Variants in MRTFB observed in about 807,000 individuals in gnomAD.
MRTFB encodes myocardin-related transcription factor B.
Under a neutral mutation model 104.2 loss-of-function variants are expected in MRTFB, and 29 were observed. The observed-to-expected ratio is 0.28, with a 90% CI of 0.21 to 0.38. The LOEUF (loss-of-function observed/expected upper bound fraction) is 0.38. Among genes scored for constraint, MRTFB ranks in the 10% least tolerant of loss-of-function variants. The pLI is 1.00. For synonymous variants in MRTFB, 535 were observed against 519.5 expected (o/e 1.03, Z -0.41); for missense variants, 1,270 against 1,341.6 (o/e 0.95, Z 0.83).
Position 14,212,244 on chromosome 16 carries a change from G to C in MRTFB, c.221-110G>C, listed in dbSNP as rs548181793. On this transcript the variant is annotated intron_variant, in intron 4 of 16. Transcript: ENST00000571589. ...TCCTAATGGAACTGGTAAATTAATG[G>C]AACTGTAGTTGTGATCTGTTAATAA... 25 of 1,006,170 alleles carry C rather than the reference G, an allele frequency of 2.5e-5. No individual in the cohort carries two copies. In the South Asian group the frequency reaches 4.7e-4, roughly 19 times the overall value. The allele number at this position is 1,006,170 out of a possible 1,614,324, so 62.3% of individuals were successfully genotyped here.
At chr16:14,124,023 A>G (rs1446027415) in intron 2 of MRTFB, among the ~76,000 whole-genome samples, 1 of 152,040 alleles carries the variant, frequency 6.6e-6, no homozygotes, top group Non-Finnish European at 1.5e-5. Context: ...TTATTCTTTC[A>G]GTAGCAATTG....
chr16:14,129,854 A>C (rs924764756), intron 2 of MRTFB, among the ~76,000 whole-genome samples: 7 of 151,876 alleles, frequency 4.6e-5, no homozygotes, highest in Non-Finnish European at 1.0e-4. Context: ...TTTGAGATGG[A>C]GTTTCGCTCT....
chr16:14,222,665 T>C (rs1306873297), intron 8 of MRTFB, among the ~76,000 whole-genome samples: 1 of 151,224 alleles, frequency 6.6e-6, no homozygotes, highest in East Asian at 1.9e-4. Flanking sequence ...AGTGAGAGGA[T>C]CACTTGACCC....
chr16:14,012,154 C>A, the MRTFB span, among the ~76,000 whole-genome samples: 5 of 150,908 alleles, frequency 3.3e-5, no homozygotes, highest in South Asian at 2.1e-4. Context: ...AGGGTGGCAG[C>A]GAGAACGTAC....
At chr16:14,196,861 T>G (rs2040453719) in intron 3 of MRTFB, among the ~76,000 whole-genome samples, 1 of 152,214 alleles carries the variant, frequency 6.6e-6, no homozygotes, top group Non-Finnish European at 1.5e-5. Context: ...GAACCCATTT[T>G]ATAATTGGCA....
intron 2 of MRTFB, among the ~76,000 whole-genome samples, chr16:14,136,349 C>T (rs1657942767): frequency 6.6e-6 from 1 of 152,138 alleles, no homozygotes. Flanking sequence ...CTACTTTTCA[C>T]ATGTGTATTA....
At chr16:14,215,440 C>T (rs1218495829) in intron 6 of MRTFB, among the ~76,000 whole-genome samples, 2 of 152,168 alleles carry the variant, frequency 1.3e-5, no homozygotes. Flanking sequence ...TAAACTTCAG[C>T]CTCAGTCATG....
chr16:14,236,750 A>G (rs568530194), intron 9 of MRTFB, among the ~76,000 whole-genome samples: 7 of 152,212 alleles, frequency 4.6e-5, no homozygotes, highest in Non-Finnish European at 1.0e-4. Flanking sequence ...AGAGCCTTGT[A>G]AGAAGTTAGG....
In MRTFB at chr16:14,246,585, C is replaced by T; in HGVS notation, c.1325C>T (p.Ala442Val). 6.2e-7 allele frequency: 1 copy of T among 1,614,156 alleles called. No homozygotes were observed. The highest frequency in any genetic ancestry group is 1.7e-5 in the Admixed American group (1 of 60,028). ...PYQEVNSSGL[A>V]AGGIVAVSSS... ...CAGGAAGTGAACAGCAGCGGCCTTG[C>T]TGCTGGGGGCATCGTGGCAGTGTCA... Residue 442 changes from alanine to valine, a missense_variant, in exon 12 of 17, where the codon GCT becomes GTT. Physicochemically the swap from Ala to Val is moderately conservative, Grantham distance 64. Transcript: ENST00000571589.
chr16:14,182,185 C>G (rs545373671), intron 3 of MRTFB, among the ~76,000 whole-genome samples: 1 of 152,330 alleles, frequency 6.6e-6, no homozygotes, highest in South Asian at 2.1e-4. Context: ...TCCTCCATCT[C>G]TCCCTAATTC....
intron 1 of MRTFB, among the ~76,000 whole-genome samples, chr16:14,074,129 C>T (rs998612839): frequency 6.6e-6 from 1 of 151,854 alleles, no homozygotes; most frequent in African/African-American, 2.4e-5. Flanking sequence ...TTGCGTGTTA[C>T]GTTTGAAAGG....
rs1349191821 is a variant in MRTFB at position 14,153,728 on chromosome 16, C to CT, written c.154+12969dup. ...ACTGAAACTATTTAAAATAAATTCT[C>CT]TCATGAAAATACATATATTTCTTAA... On this transcript the variant is annotated intron_variant, in intron 3 of 16. Coordinates refer to ENST00000571589, the MANE Select transcript of MRTFB (RefSeq NM_001308142.2). Among the ~76,000 whole-genome samples the CT allele has an allele frequency of 8.5e-5, 13 of 152,238 alleles. No homozygotes were observed. In the East Asian group the frequency reaches 2.5e-3, roughly 29 times the overall value.
rs1279245311 is a variant in MRTFB, at chr16:14,149,979, G to T, written c.154+9219G>T. On this transcript the variant is annotated intron_variant, in intron 3 of 16. Coordinates refer to ENST00000571589, the MANE Select transcript of MRTFB (RefSeq NM_001308142.2). ...TTCCTTCTAGATTGTTGGGAAGATT[G>T]AATGAAATAAAGCATCTAAAGTGAC... 3.3e-5 allele frequency among the ~76,000 whole-genome samples: 5 copies of T among 152,280 alleles called. No individual in the cohort carries two copies. The South Asian group carries it at 1.0e-3, about 32-fold the overall frequency.
At chr16:14,257,464 T>C (rs970073429) in intron 15 of MRTFB, among the ~76,000 whole-genome samples, 3 of 152,094 alleles carry the variant, frequency 2.0e-5, no homozygotes, top group African/African-American at 7.2e-5. Context: ...CTCAGAATAA[T>C]TATGCTGGGT....
intron 3 of MRTFB, among the ~76,000 whole-genome samples, chr16:14,165,426 G>A (rs2039198573): frequency 6.6e-6 from 1 of 152,108 alleles, no homozygotes. Flanking sequence ...GTTCTTCAGT[G>A]ACACCAATTT....
the MRTFB span, among the ~76,000 whole-genome samples, chr16:14,017,609 A>G: frequency 1.5e-4 from 3 of 20,152 alleles, no homozygotes; most frequent in African/African-American, 4.5e-4. Context: ...ATATATATAT[A>G]TATATATATA....
At chr16:14,161,165 T>A (rs538387001) in intron 3 of MRTFB, among the ~76,000 whole-genome samples, 31 of 150,300 alleles carry the variant, frequency 2.1e-4, no homozygotes, top group Admixed American at 8.6e-4. Flanking sequence ...TACATTTTTT[T>A]AAAAAATCAT....
At chr16:14,062,746 G>A in the MRTFB span, among the ~76,000 whole-genome samples, 1 of 152,170 alleles carries the variant, frequency 6.6e-6, no homozygotes, top group Admixed American at 6.5e-5. Flanking sequence ...AAGCTTCTAG[G>A]AAAAATGCCC....
intron 9 of MRTFB, 94 bp downstream of exon 9, chr16:14,234,377 G>C (rs1257926171): frequency 3.5e-6 from 5 of 1,415,430 alleles, no homozygotes; most frequent in African/African-American, 1.4e-5. Flanking sequence ...TATCCAACTT[G>C]CTCAGCCTGC....
Sources: allele counts gnomAD v4.1 joint callset (sites outside exome capture counted in the v4.1 genomes callset), GRCh38; gene constraint gnomAD v4.1.1; transcripts MANE v1.5; gene names NCBI Gene and HGNC (gene_info 2026-07-23, HGNC 2026-07-21).